Variants in COP1 observed in about 807,000 individuals in gnomAD.
COP1 encodes the protein E3 ubiquitin-protein ligase COP1.
COP1 carries 24 observed loss-of-function variants against 101.3 expected under a neutral mutation model. That is an observed-to-expected ratio of 0.24 (90% confidence interval 0.17 to 0.33). The LOEUF (loss-of-function observed/expected upper bound fraction) is 0.33, where lower values mean the gene tolerates loss of function less well. COP1 is among the 10% of genes least tolerant of loss of function. The pLI, the probability that COP1 is intolerant of heterozygous loss-of-function variation, is 1.00. For synonymous variants in COP1, 347 were observed against 341.9 expected (o/e 1.01, Z -0.17); for missense variants, 663 against 906.2 (o/e 0.73, Z 3.45).
At chr1:176,192,376 C>T (rs532919188) in intron 1 of COP1, among the ~76,000 whole-genome samples, 5 of 152,104 alleles carry the variant, frequency 3.3e-5, no homozygotes, top group African/African-American at 1.2e-4. Flanking sequence ...AACAACAGTA[C>T]CAGGCCTCAA....
At chr1:176,098,697 T>A (rs1330373941) in intron 9 of COP1, among the ~76,000 whole-genome samples, 3 of 152,222 alleles carry the variant, frequency 2.0e-5, no homozygotes, top group Non-Finnish European at 4.4e-5. Flanking sequence ...ATTTTTGTTT[T>A]TCAAATTTCT....
intron 9 of COP1, among the ~76,000 whole-genome samples, chr1:176,110,572 A>G (rs1459491617): frequency 6.6e-6 from 1 of 152,212 alleles, no homozygotes; most frequent in South Asian, 2.1e-4. Context: ...TCATTATAGC[A>G]AGGATTACTA....
chr1:176,041,282 G>A (rs1032461396), intron 14 of COP1, among the ~76,000 whole-genome samples: 2 of 151,924 alleles, frequency 1.3e-5, no homozygotes, highest in Non-Finnish European at 2.9e-5. Context: ...GAATAAGGAT[G>A]CAGTACATTC....
chr1:176,121,845 T>G (rs1488041500), intron 8 of COP1, among the ~76,000 whole-genome samples: 1 of 151,778 alleles, frequency 6.6e-6, no homozygotes, highest in South Asian at 2.1e-4. Context: ...TTTTTGGCAA[T>G]ATAGTGTGGC....
chr1:176,147,952 T>G (rs892268730), intron 6 of COP1, among the ~76,000 whole-genome samples: 6 of 152,094 alleles, frequency 3.9e-5, no homozygotes, highest in Non-Finnish European at 8.8e-5. Flanking sequence ...CAGGCTGGAG[T>G]GCAGTGGCGC....
At chr1:176,009,187 G>A (rs776817537) in intron 15 of COP1, among the ~76,000 whole-genome samples, 9 of 152,084 alleles carry the variant, frequency 5.9e-5, no homozygotes, top group Non-Finnish European at 1.3e-4. Context: ...TGCCTTGATT[G>A]CCCAACTGGT....
chr1:176,064,653 G>A (rs73040915), intron 11 of COP1, among the ~76,000 whole-genome samples: 1 of 151,868 alleles, frequency 6.6e-6, no homozygotes, highest in Non-Finnish European at 1.5e-5. Flanking sequence ...TTCTTTCCCC[G>A]TTTTCTTTCT....
chr1:175,951,461 T>TATATATA (rs1214036206), intron 18 of COP1, among the ~76,000 whole-genome samples: 4 of 54,934 alleles, frequency 7.3e-5, no homozygotes, highest in African/African-American at 2.0e-4. Context: ...TATATATATA[T>TATATATA]AAAAACTTCC....
intron 1 of COP1, among the ~76,000 whole-genome samples, chr1:176,198,801 A>T (rs968267658): frequency 6.6e-6 from 1 of 152,172 alleles, no homozygotes; most frequent in African/African-American, 2.4e-5. Flanking sequence ...TGGGCCAAAG[A>T]TCAAAACAGA....
chr1:176,032,226 GGA>G (rs759001822), intron 14 of COP1, among the ~76,000 whole-genome samples: 16 of 152,126 alleles, frequency 1.1e-4, no homozygotes, highest in Non-Finnish European at 2.1e-4. Context: ...GAGTAAAAAG[GGA>G]GAGTGCTATT....
At chr1:175,988,186 C>T in intron 17 of COP1, 102 bp downstream of exon 17, 1 of 1,131,002 alleles carries the variant, frequency 8.8e-7, no homozygotes, top group Middle Eastern at 3.1e-4. Context: ...CTTCTGAGTG[C>T]ACAGACCATT....
At chr1:176,059,629 C>T (rs774826755) in intron 11 of COP1, among the ~76,000 whole-genome samples, 1 of 151,966 alleles carries the variant, frequency 6.6e-6, no homozygotes, top group Non-Finnish European at 1.5e-5. Context: ...ATTATAGGTG[C>T]ACACCACCAC....
intron 8 of COP1, among the ~76,000 whole-genome samples, chr1:176,122,615 C>T (rs116334529): frequency 0.025 from 3,823 of 152,206 alleles, 152 homozygotes; most frequent in African/African-American, 0.087. Flanking sequence ...CAGAAAAAAA[C>T]TTCCCCAGCA....
chr1:176,055,200 G>T (rs1272520920), intron 11 of COP1, among the ~76,000 whole-genome samples: 1 of 152,218 alleles, frequency 6.6e-6, no homozygotes, highest in Non-Finnish European at 1.5e-5. Flanking sequence ...TCGGGAGGCC[G>T]AGACAGGTGG....
At chr1:176,079,062 T>C (rs1018735323) in intron 11 of COP1, among the ~76,000 whole-genome samples, 1 of 152,164 alleles carries the variant, frequency 6.6e-6, no homozygotes, top group Admixed American at 6.5e-5. Flanking sequence ...GATCAACCAC[T>C]ATGGAAAGCA....
chr1:176,019,521 C>G (rs1666333659), intron 15 of COP1, among the ~76,000 whole-genome samples: 1 of 148,026 alleles, frequency 6.8e-6, no homozygotes, highest in Admixed American at 6.8e-5. Context: ...TCATCATCAT[C>G]ATCACTACTA....
chr1:176,038,399 A>C (rs2149141296), intron 14 of COP1, among the ~76,000 whole-genome samples: 1 of 152,362 alleles, frequency 6.6e-6, no homozygotes, highest in Middle Eastern at 3.4e-3. Context: ...CTTGATTCTA[A>C]AATGTATATG....
intron 15 of COP1, among the ~76,000 whole-genome samples, chr1:176,024,806 A>C (rs1001150058): frequency 1.3e-5 from 2 of 152,298 alleles, no homozygotes; most frequent in South Asian, 4.1e-4. Context: ...ACAATCAAAA[A>C]ATAAAATTTA....
chr1:176,168,498 AAGGAAGGGAGGGAGGGAGGG>A (rs1217905834), intron 3 of COP1, among the ~76,000 whole-genome samples: 1 of 39,766 alleles, frequency 2.5e-5, no homozygotes. Context: ...GGGAGGGAAG[AAGGAAGGGAGGGAGGGAGGG>A]AGGGAGGGGA....
Sources: allele counts gnomAD v4.1 joint callset (sites outside exome capture counted in the v4.1 genomes callset), GRCh38; gene constraint gnomAD v4.1.1; transcripts MANE v1.5; gene names NCBI Gene and HGNC (gene_info 2026-07-23, HGNC 2026-07-21).